The following CEP128 variants were observed in gnomAD, a reference collection of about 807,000 sequenced individuals.
CEP128 encodes the protein centrosomal protein 128kDa.
A neutral mutation model predicts 156.7 loss-of-function variants in CEP128; 132 were observed. That is an observed-to-expected ratio of 0.84 (90% CI 0.73 to 0.97). The LOEUF is 0.97. Among genes scored for constraint, CEP128 ranks in the 50% least tolerant of loss-of-function variants. CEP128 has a pLI of 0.00. For synonymous variants in CEP128, 469 were observed against 448.9 expected, an observed-to-expected ratio of 1.04 and a Z score of -0.57; for missense variants, 1,252 against 1,281.9, an observed-to-expected ratio of 0.98 and a Z score of 0.36.
chr14:80,825,555 TATTAGTAATTAGTAATAAATACAAACTA>T, intron 13 of CEP128, among the ~76,000 whole-genome samples: 1 of 152,220 alleles, frequency 6.6e-6, no homozygotes, highest in Non-Finnish European at 1.5e-5. Flanking sequence ...AAATACAAAC[TATTAGTAATTAGTAATAAATACAAACTA>T]ATTAGTAATT....
chr14:80,675,009 T>C (rs1222923736), intron 19 of CEP128, among the ~76,000 whole-genome samples: 3 of 152,102 alleles, frequency 2.0e-5, no homozygotes, highest in Admixed American at 6.5e-5. Flanking sequence ...GGAAATTCTA[T>C]TCTTATGTAA....
intron 21 of CEP128, among the ~76,000 whole-genome samples, chr14:80,549,867 A>G (rs1325903104): frequency 6.6e-6 from 1 of 152,184 alleles, no homozygotes; most frequent in Non-Finnish European, 1.5e-5. Context: ...AAAAATAATT[A>G]CAAATAAAAA....
chr14:80,792,608 T>G, intron 14 of CEP128, 152 bp downstream of exon 14: 1 of 629,062 alleles, frequency 1.6e-6, no homozygotes, highest in Non-Finnish European at 2.7e-6. Flanking sequence ...AATTAACTTT[T>G]GTACTTTGAA....
chr14:80,746,745 CT>C (rs2139616205), intron 18 of CEP128, among the ~76,000 whole-genome samples: 1 of 152,290 alleles, frequency 6.6e-6, no homozygotes, highest in South Asian at 2.1e-4. Context: ...ACAAATTGAA[CT>C]TCTTTGAAAT....
chr14:80,945,556 T>C (rs957031801), upstream of CEP128: 3 of 152,210 alleles, frequency 2.0e-5, no homozygotes, highest in Admixed American at 6.5e-5. Context: ...ACAAAGCCCC[T>C]ACCTGTCTCA....
chr14:80,576,012 T>C (rs1284288551), intron 20 of CEP128, among the ~76,000 whole-genome samples: 2 of 151,924 alleles, frequency 1.3e-5, no homozygotes, highest in East Asian at 1.9e-4. Flanking sequence ...GTGACTGTCA[T>C]AGGTAACACT....
chr14:80,705,294 G>C (rs1897204394), intron 19 of CEP128, among the ~76,000 whole-genome samples: 1 of 151,938 alleles, frequency 6.6e-6, no homozygotes, highest in Non-Finnish European at 1.5e-5. Flanking sequence ...GTGTGTGTGT[G>C]TGTGTGTTTT....
chr14:80,481,370 G>T (rs910064245), intron 14 of CEP128, among the ~76,000 whole-genome samples: 1 of 152,104 alleles, frequency 6.6e-6, no homozygotes, highest in Non-Finnish European at 1.5e-5. Flanking sequence ...GGAAAGACCG[G>T]CCCCCATGGT....
At chr14:80,874,976 T>C (rs999894103) in intron 8 of CEP128, among the ~76,000 whole-genome samples, 1 of 152,128 alleles carries the variant, frequency 6.6e-6, no homozygotes, top group Non-Finnish European at 1.5e-5. Flanking sequence ...AATATAAGAA[T>C]AACATGCAGA....
chr14:80,750,030 A>G (rs1899309293), intron 18 of CEP128, among the ~76,000 whole-genome samples: 1 of 152,150 alleles, frequency 6.6e-6, no homozygotes, highest in African/African-American at 2.4e-5. Context: ...TTGACCACAG[A>G]CTCCACAGGA....
chr14:80,769,436 G>T lies in CEP128; in HGVS notation c.2377-7823C>A, dbSNP rs573079503. Among the ~76,000 whole-genome samples the T allele has an allele frequency of 4.7e-5, 7 of 148,650 alleles. No individual in the cohort carries two copies. The East Asian group carries it at 1.0e-3, about 22-fold the overall frequency. On this transcript the variant is annotated intron_variant, in intron 16 of 24. Coordinates refer to ENST00000555265, the MANE Select transcript of CEP128 (RefSeq NM_152446.5). Reference sequence around the variant, plus strand: ...AATGCTATCCCTCCCCACTCCCCCCGCCCCACGACAGGCCCCGGTGTGTGA... The same window carrying T: ...AATGCTATCCCTCCCCACTCCCCCCTCCCCACGACAGGCCCCGGTGTGTGA...
At chr14:80,814,790 G>A (rs1001365726) in intron 13 of CEP128, among the ~76,000 whole-genome samples, 2 of 152,220 alleles carry the variant, frequency 1.3e-5, no homozygotes, top group South Asian at 4.1e-4. Context: ...CAGGCGCGGT[G>A]GCTCATGCCT....
intron 15 of CEP128, among the ~76,000 whole-genome samples, chr14:80,778,792 C>T (rs1411065854): frequency 6.6e-6 from 1 of 152,126 alleles, no homozygotes. Flanking sequence ...GGTATGTGAA[C>T]TTAAAGAATT....
At chr14:80,567,946 T>TA (rs56055662) in intron 20 of CEP128, among the ~76,000 whole-genome samples, 8,669 of 145,722 alleles carry the variant, frequency 0.059, 295 homozygotes, top group South Asian at 0.089. Flanking sequence ...GATTTACATT[T>TA]AAAAAAAAAA....
At chr14:80,536,246 T>C (rs1352862780) in intron 21 of CEP128, among the ~76,000 whole-genome samples, 1 of 152,304 alleles carries the variant, frequency 6.6e-6, no homozygotes, top group East Asian at 1.9e-4. Context: ...AGGAACAGAT[T>C]TAACCATAAA....
At chr14:80,546,248 A>G (rs756663386) in intron 21 of CEP128, among the ~76,000 whole-genome samples, 13 of 152,222 alleles carry the variant, frequency 8.5e-5, no homozygotes, top group Non-Finnish European at 1.8e-4. Context: ...CTTCTGAGCA[A>G]AACTGTGACA....
chr14:80,741,173 T>C (rs1375663247), intron 19 of CEP128, among the ~76,000 whole-genome samples: 2 of 152,152 alleles, frequency 1.3e-5, no homozygotes, highest in Non-Finnish European at 2.9e-5. Context: ...AAAATTGCCT[T>C]CTATATTTGT....
At chr14:80,507,058 T>C (rs1170138141) in intron 23 of CEP128, among the ~76,000 whole-genome samples, 1 of 151,928 alleles carries the variant, frequency 6.6e-6, no homozygotes, top group African/African-American at 2.4e-5. Flanking sequence ...TTTTGCCATG[T>C]GAAGTGCCTG....
rs74483141 is a variant in CEP128, at chr14:80,761,521, T to C, written c.2469A>G (p.Glu823=). 2,416 of 1,612,906 alleles carry C rather than the reference T, an allele frequency of 1.5e-3. 31 individuals carry two copies. In the African/African-American group the frequency reaches 0.027, roughly 18 times the overall value. Residue 823 remains glutamate, a synonymous_variant, in exon 17 of 25, where the codon GAA becomes GAG. Coordinates refer to ENST00000555265, the MANE Select transcript of CEP128 (RefSeq NM_152446.5). Reference sequence around the variant, plus strand: ...CTATCACACCAAGAATGGATTCCTGTTCAGTCTCCAAGCAAAGAAGTTGAT... The same window carrying C: ...CTATCACACCAAGAATGGATTCCTGCTCAGTCTCCAAGCAAAGAAGTTGAT... The part of the protein sequence containing the change: ...LKDQLLCLET[E]QESILGVIGK...
Sources: allele counts gnomAD v4.1 joint callset (sites outside exome capture counted in the v4.1 genomes callset), GRCh38; gene constraint gnomAD v4.1.1; transcripts MANE v1.5; gene names NCBI Gene and HGNC (gene_info 2026-07-23, HGNC 2026-07-21).